Variants in DCDC1 observed in about 807,000 individuals in gnomAD.
DCDC1 encodes doublecortin domain containing 1.
DCDC1 carries 200 observed loss-of-function variants against 178.3 expected under a neutral mutation model. The ratio of observed to expected loss-of-function variants is 1.12; its 90% CI spans 1.00 to 1.26. DCDC1 has a LOEUF of 1.26. DCDC1 is among the 50% of genes most tolerant of loss of function. The probability of loss-of-function intolerance (pLI) is 0.00; values close to 1 mark genes in which losing one functional copy is unlikely to be tolerated. For missense variants in DCDC1, 1,983 were observed against 1,749.2 expected, an observed-to-expected ratio of 1.13 and a Z score of -2.38; for synonymous variants, 690 against 604.8, an observed-to-expected ratio of 1.14 and a Z score of -2.07.
intron 9 of DCDC1, among the ~76,000 whole-genome samples, chr11:31,144,263 T>A (rs986587171): frequency 2.2e-4 from 34 of 152,196 alleles, no homozygotes; most frequent in African/African-American, 7.2e-4. Context: ...GCCTCCCTAG[T>A]AGCTGGGACT....
intron 1 of DCDC1, among the ~76,000 whole-genome samples, chr11:31,345,215 T>G (rs1255903715): frequency 6.6e-6 from 1 of 152,054 alleles, no homozygotes; most frequent in Admixed American, 6.6e-5. Flanking sequence ...TAAGACAGAG[T>G]AGCCTATAAA....
chr11:31,259,700 A>G (rs1433884345), intron 8 of DCDC1, among the ~76,000 whole-genome samples: 1 of 152,180 alleles, frequency 6.6e-6, no homozygotes, highest in Non-Finnish European at 1.5e-5. Flanking sequence ...CCCTCAAGAT[A>G]CTGTAAACTT....
chr11:31,257,842 T>C (rs1944519743), intron 8 of DCDC1, among the ~76,000 whole-genome samples: 1 of 152,120 alleles, frequency 6.6e-6, no homozygotes, highest in Admixed American at 6.6e-5. Flanking sequence ...TTTCATTTGT[T>C]ACAAAATCAG....
At chr11:31,220,956 T>C (rs975956565) in intron 9 of DCDC1, among the ~76,000 whole-genome samples, 2 of 152,138 alleles carry the variant, frequency 1.3e-5, no homozygotes, top group African/African-American at 4.8e-5. Flanking sequence ...AAGGACACTA[T>C]TCCTACTGGA....
intron 9 of DCDC1, among the ~76,000 whole-genome samples, chr11:31,175,933 TG>T (rs1967952750): frequency 6.6e-6 from 1 of 152,074 alleles, no homozygotes; most frequent in African/African-American, 2.4e-5. Flanking sequence ...TCATAAAATT[TG>T]AAAAGACAAC....
intron 16 of DCDC1, 51 bp downstream of exon 16, chr11:31,093,982 TGCCAGCAAGTGCCGTGA>T (rs952531480): frequency 1.6e-5 from 12 of 733,246 alleles, no homozygotes; most frequent in Admixed American, 7.2e-5. Context: ...GAGCACCAGG[TGCCAGCAAGTGCCGTGA>T]GCCAGCAAGC....
At chr11:31,241,373 G>A (rs1382449541) in intron 9 of DCDC1, 77 bp downstream of exon 9, 6 of 392,468 alleles carry the variant, frequency 1.5e-5, no homozygotes, top group Admixed American at 4.4e-5. Context: ...ATGACACAAA[G>A]CCAATCATTG....
intron 19 of DCDC1, 90 bp from the exon 20 acceptor site, chr11:31,064,716 T>C: frequency 1.5e-6 from 1 of 688,926 alleles, no homozygotes; most frequent in Non-Finnish European, 2.6e-6. Context: ...CACTGCAGTT[T>C]TCATGGTGCC....
intron 9 of DCDC1, among the ~76,000 whole-genome samples, chr11:31,161,154 T>G (rs1477861736): frequency 6.6e-6 from 1 of 152,112 alleles, no homozygotes; most frequent in African/African-American, 2.4e-5. Context: ...AGTACAGATT[T>G]CACACAGTGT....
chr11:31,037,749 C>T (rs1216073621), intron 20 of DCDC1, among the ~76,000 whole-genome samples: 8 of 152,126 alleles, frequency 5.3e-5, no homozygotes, highest in Non-Finnish European at 8.8e-5. Context: ...AGGCGTGAGC[C>T]ACTGCGCCTG....
intron 2 of DCDC1, among the ~76,000 whole-genome samples, chr11:31,331,552 T>G (rs975867958): frequency 6.6e-6 from 1 of 152,238 alleles, no homozygotes; most frequent in Non-Finnish European, 1.5e-5. Flanking sequence ...TTGAGATACA[T>G]TCCATCAATA....
At chr11:31,205,311 C>G (rs1971742580) in intron 9 of DCDC1, among the ~76,000 whole-genome samples, 1 of 152,090 alleles carries the variant, frequency 6.6e-6, no homozygotes, top group Non-Finnish European at 1.5e-5. Flanking sequence ...GTACACAAAG[C>G]CTAAAATATT....
chr11:30,909,050 G>C lies in DCDC1; in HGVS notation c.3814C>G (p.Leu1272Val), dbSNP rs1565059382. Residue 1272 changes from leucine to valine, a missense_variant, in exon 29 of 39, where the codon CTT becomes GTT. By Grantham distance (32) the Leu-to-Val change is conservative (BLOSUM62 1). Transcript: ENST00000684477. ...KWHYMKNIKA[L>V]VAFHSTALDK... Reference sequence around the variant, plus strand: ...AAGGCAGTGCTATGAAAGGCCACAAGTGCTTTTATATTTTTCATGTAATGC... The same window carrying C: ...AAGGCAGTGCTATGAAAGGCCACAACTGCTTTTATATTTTTCATGTAATGC... 2.5e-6 allele frequency: 4 copies of C among 1,611,714 alleles called. No individual in the cohort carries two copies. The highest frequency in any genetic ancestry group is 3.4e-6 in the Non-Finnish European group (4 of 1,178,638).
At chr11:31,053,085 A>T (rs1955361092) in intron 20 of DCDC1, among the ~76,000 whole-genome samples, 1 of 152,182 alleles carries the variant, frequency 6.6e-6, no homozygotes, top group Admixed American at 6.5e-5. Context: ...ATAGACCATT[A>T]GTAAGATTAA....
At chr11:31,283,304 G>A (rs1184985089) in intron 7 of DCDC1, among the ~76,000 whole-genome samples, 4 of 151,548 alleles carry the variant, frequency 2.6e-5, no homozygotes, top group African/African-American at 4.8e-5. Context: ...TAGCTTCATT[G>A]CCCTGTCTTG....
At chr11:31,334,906 A>G (rs1346181613) in intron 2 of DCDC1, among the ~76,000 whole-genome samples, 2 of 152,136 alleles carry the variant, frequency 1.3e-5, no homozygotes, top group East Asian at 1.9e-4. Context: ...GCTCAAACAC[A>G]GTGCTGAGAG....
At chr11:30,899,678 G>A in intron 33 of DCDC1, 36 bp from the exon 34 acceptor site, 1 of 1,397,242 alleles carries the variant, frequency 7.2e-7, no homozygotes. Flanking sequence ...TTTATCAACA[G>A]TAATTTATCA....
intron 27 of DCDC1, 47 bp from the exon 28 acceptor site, chr11:30,911,467 T>A (rs1423846986): frequency 2.1e-6 from 3 of 1,439,646 alleles, no homozygotes; most frequent in Admixed American, 1.9e-5. Flanking sequence ...ATGACCAGAT[T>A]AGATCTCCCT....
chr11:31,334,652 T>C (rs1950181015), intron 2 of DCDC1, among the ~76,000 whole-genome samples: 1 of 152,214 alleles, frequency 6.6e-6, no homozygotes, highest in Admixed American at 6.5e-5. Context: ...CAGCTGCAGG[T>C]CTGTTGGAGT....
Sources: allele counts gnomAD v4.1 joint callset (sites outside exome capture counted in the v4.1 genomes callset), GRCh38; gene constraint gnomAD v4.1.1; transcripts MANE v1.5; gene names NCBI Gene and HGNC (gene_info 2026-07-23, HGNC 2026-07-21).